Variants in TSBP1 observed in about 807,000 individuals in gnomAD.
The protein encoded by TSBP1 is testis-expressed basic protein 1.
A neutral mutation model predicts 68.8 loss-of-function variants in TSBP1; 56 were observed. The ratio of observed to expected loss-of-function variants is 0.81; its 90% CI spans 0.66 to 1.02. The LOEUF (loss-of-function observed/expected upper bound fraction) is 1.02. TSBP1 is among the 50% of genes least tolerant of loss of function. TSBP1 has a pLI of 0.00. For missense variants in TSBP1, 502 were observed against 641.2 expected (o/e 0.78, Z 2.34); for synonymous variants, 171 against 208.7 (o/e 0.82, Z 1.56).
chr6:32,367,052 C>CGTGTGTGTGTGTGTGT (rs3038518), intron 4 of TSBP1, among the ~76,000 whole-genome samples: 1,487 of 148,440 alleles, frequency 0.01, 14 homozygotes, highest in East Asian at 0.043. Context: ...ATGCTTGTAG[C>CGTGTGTGTGTGTGTGT]GTGTGTGTGT....
Position 32,299,909 on chromosome 6 carries a change from A to G in TSBP1, c.637+13T>C. ...TGTAAAATATCAGAGTTGAGAATAG[A>G]TATGGAACTTACCCACAGGAGTCAG... is the stretch of plus-strand genomic sequence containing the variant. On this transcript the variant is annotated intron_variant, in intron 22 of 22. Transcript: ENST00000612031. 2 of 1,598,466 alleles carry G rather than the reference A, an allele frequency of 1.3e-6. No homozygotes were observed. The highest frequency in any genetic ancestry group is 1.7e-6 in the Non-Finnish European group (2 of 1,165,714).
rs1408354392 is a variant in TSBP1, at chr6:32,325,060, T to C, written c.515-1446A>G. 6.6e-6 allele frequency among the ~76,000 whole-genome samples: 1 copy of C among 152,238 alleles called. No individual in the cohort carries two copies. Among genetic ancestry groups the C allele is most frequent in the Non-Finnish European group, 1.5e-5 (1 of 68,044 alleles). ...TTTTTCCTTCTGCATGGAAAGTTCC[T>C]AACATTCTTTAGAGTCATGTAAAAA... is the stretch of plus-strand genomic sequence containing the variant. On this transcript the variant is annotated intron_variant, in intron 16 of 22. Coordinates refer to ENST00000612031, the Ensembl canonical transcript of TSBP1. This position sits in a 1 kb window ranked among gnomAD's most constrained non-coding sequence, Gnocchi z 4.4.
At chr6:32,318,677 T>G (rs756998106) in intron 18 of TSBP1, among the ~76,000 whole-genome samples, 7 of 152,202 alleles carry the variant, frequency 4.6e-5, no homozygotes, top group East Asian at 3.8e-4. Flanking sequence ...TCCATTTATA[T>G]GAAATGTCCA....
In TSBP1 at chr6:32,322,476, G is replaced by C; in HGVS notation, c.559+641C>G. 1 of 1,597,368 alleles carries C rather than the reference G, an allele frequency of 6.3e-7. No individual in the cohort carries two copies. Among genetic ancestry groups the C allele is most frequent in the South Asian group, 1.1e-5 (1 of 90,418 alleles). ...CCCACATATGACCAGCTGAGAAGTA[G>C]AGTACTTACTTGCGGTTCTCTGTGA... On this transcript the variant is annotated intron_variant, in intron 18 of 22. Transcript: ENST00000612031.
rs9268168 is a variant in TSBP1 at position 32,304,733 on chromosome 6, C to T, written c.581-2104G>A. 0.21 allele frequency among the ~76,000 whole-genome samples: 32,000 copies of T among 152,008 alleles called. 3,555 individuals are homozygous for T. The highest frequency in any genetic ancestry group is 0.22 in the East Asian group (1,156 of 5,182). On this transcript the variant is annotated intron_variant, in intron 19 of 22. Coordinates refer to ENST00000612031, the Ensembl canonical transcript of TSBP1. The surrounding 1 kb of genome is among the most constrained non-coding windows in gnomAD (Gnocchi z 4.8). ...ATCTCTACCATTATACCAGCTCTCACTGTATTTTTTTTACAGTACAGAAAG... is the reference window on the plus strand; with the variant it reads ...ATCTCTACCATTATACCAGCTCTCATTGTATTTTTTTTACAGTACAGAAAG...
Position 32,304,386 on chromosome 6 carries a change from G to A in TSBP1, c.581-1757C>T, listed in dbSNP as rs1214711866. On this transcript the variant is annotated intron_variant, in intron 19 of 22. Transcript: ENST00000612031. This position sits in a 1 kb window ranked among gnomAD's most constrained non-coding sequence, Gnocchi z 4.8. ...ACAAATCAGTTTTTTTTTAAATTAT[G>A]TATTGAGTTCCTATTGAAAATCCAC... is the stretch of plus-strand genomic sequence containing the variant. 1.3e-5 allele frequency among the ~76,000 whole-genome samples: 2 copies of A among 151,958 alleles called. No homozygotes were observed. The highest frequency in any genetic ancestry group is 2.4e-5 in the African/African-American group (1 of 41,386).
At chr6:32,293,423 T>G (rs200035199) in exon 23 of TSBP1, 5 of 1,612,934 alleles carry the variant, frequency 3.1e-6, no homozygotes, top group Non-Finnish European at 4.2e-6. Context: ...TACCTTCAAC[T>G]CACTCTTCTC....
intron 20 of TSBP1, among the ~76,000 whole-genome samples, chr6:32,301,889 AGCATCTAGGAC>A (rs1765330349): frequency 6.6e-6 from 1 of 150,978 alleles, no homozygotes; most frequent in African/African-American, 2.4e-5. Flanking sequence ...AAATAAAAAT[AGCATCTAGGAC>A]ATGCTATTTT....
intron 6 of TSBP1, among the ~76,000 whole-genome samples, chr6:32,359,425 T>G (rs1050675067): frequency 6.6e-6 from 1 of 152,214 alleles, no homozygotes; most frequent in Non-Finnish European, 1.5e-5. Context: ...CATGTGTCTT[T>G]TGGCTGCATA....
intron 16 of TSBP1, among the ~76,000 whole-genome samples, chr6:32,329,286 G>T (rs1768648154): frequency 6.6e-6 from 1 of 152,126 alleles, no homozygotes; most frequent in Non-Finnish European, 1.5e-5. Context: ...AGATTCTCTG[G>T]CACATGGTGG....
intron 17 of TSBP1, 103 bp from the exon 19 acceptor site, chr6:32,323,240 G>A (rs544368556): frequency 1.3e-6 from 1 of 754,548 alleles, no homozygotes; most frequent in African/African-American, 1.7e-5. Context: ...ACCTTTCTGG[G>A]TCTAAATTAT....
intron 9 of TSBP1, among the ~76,000 whole-genome samples, chr6:32,349,225 G>A (rs1313778987): frequency 6.7e-6 from 1 of 149,376 alleles, no homozygotes; most frequent in Non-Finnish European, 1.5e-5. Flanking sequence ...AGGGGACAGG[G>A]CAGGAATGAG....
At chr6:32,344,086 A>G (rs971996267) in intron 9 of TSBP1, among the ~76,000 whole-genome samples, 4 of 151,496 alleles carry the variant, frequency 2.6e-5, no homozygotes, top group African/African-American at 9.7e-5. Context: ...CATTTATTTA[A>G]TTTAATTTAT....
chr6:32,368,959 TC>T, intron 2 of TSBP1, 145 bp from the exon 3 acceptor site: 1 of 960,130 alleles, frequency 1.0e-6, no homozygotes, highest in Non-Finnish European at 1.5e-6. Flanking sequence ...TCACCCATTT[TC>T]CACATCTCCC....
At chr6:32,349,994 T>A in intron 8 of TSBP1, 1 of 724,542 alleles carries the variant, frequency 1.4e-6, no homozygotes, top group South Asian at 1.4e-5. Context: ...GTCTTTCAAT[T>A]TTGGTAAGAG....
chr6:32,317,353 C>T (rs1011188896), intron 18 of TSBP1, among the ~76,000 whole-genome samples: 1 of 152,094 alleles, frequency 6.6e-6, no homozygotes, highest in African/African-American at 2.4e-5. Context: ...GCTATAAAAA[C>T]CCTGGAAGAC....
At chr6:32,366,110 T>G in intron 6 of TSBP1, 57 bp downstream of exon 6, 1 of 1,595,796 alleles carries the variant, frequency 6.3e-7, no homozygotes, top group East Asian at 2.2e-5. Context: ...TTTTATGTTG[T>G]GGCAGGAAGA....
rs146647793 is a variant in TSBP1 at position 32,294,163 on chromosome 6, G to A, written c.638-128C>T. 82 of 1,037,682 alleles carry A rather than the reference G, an allele frequency of 7.9e-5. No individual in the cohort carries two copies. The African/African-American group carries it at 1.2e-3, about 15-fold the overall frequency. 64.3% of individuals were successfully genotyped at this position (1,037,682 alleles called of 1,614,324 possible). A position where few individuals can be genotyped will look rare whatever the true frequency, so the allele number is the denominator to read the frequency against. On this transcript the variant is annotated intron_variant, in intron 22 of 22. Transcript: ENST00000612031. ...AAACTAAAATTTTTCTGAATCTCAA[G>A]TTATCTAAAATGATGGTTCTCTGTA... is the stretch of plus-strand genomic sequence containing the variant.
rs1765599040 is a variant in TSBP1, at chr6:32,304,521, TTTTGAATGGCACGTATGATG to T, written c.581-1912_581-1893del. ...TTTAATAACTTAAATATCCAGGCCA[TTTTGAATGGCACGTATGATG>T]GGTTATATAAGTGAAGGCCACTTTT... On this transcript the variant is annotated intron_variant, in intron 19 of 22. Coordinates refer to ENST00000612031, the Ensembl canonical transcript of TSBP1. This position sits in a 1 kb window ranked among gnomAD's most constrained non-coding sequence, Gnocchi z 4.8. Among the ~76,000 whole-genome samples the T allele has an allele frequency of 6.6e-6, 1 of 152,198 alleles. No individual in the cohort carries two copies. Among genetic ancestry groups the T allele is most frequent in the African/African-American group, 2.4e-5 (1 of 41,452 alleles).
Sources: gnomAD v4.1 joint callset for allele counts (sites outside exome capture counted in the v4.1 genomes callset) on GRCh38, gnomAD v4.1.1 for gene constraint, Gnocchi (gnomAD v3.1) non-coding constraint, MANE v1.5 for transcripts, NCBI Gene and HGNC (gene_info 2026-07-23, HGNC 2026-07-21) for gene names.